The following C3orf49 variants were observed in gnomAD, a reference collection of about 807,000 sequenced individuals.
The protein encoded by C3orf49 is putative uncharacterized protein C3orf49.
A neutral mutation model predicts 13.3 loss-of-function variants in C3orf49; 27 were observed. The observed-to-expected ratio is 2.02, with a 90% CI of 1.49 to 2.79. The LOEUF is 2.79. Among genes scored for constraint, C3orf49 ranks in the 30% most tolerant of loss-of-function variants. The pLI is 0.00. For synonymous variants in C3orf49, 87 were observed against 47.6 expected (o/e 1.83, Z -3.40); for missense variants, 242 against 134.2 (o/e 1.80, Z -3.97).
chr3:63,788,694 G>A, the C3orf49 span, among the ~76,000 whole-genome samples: 9 of 150,548 alleles, frequency 6.0e-5, no homozygotes, highest in Admixed American at 1.3e-4. Context: ...ATAACAGCCC[G>A]GAGGAAGATC....
intron 3 of C3orf49, 128 bp from the exon 4 acceptor site, chr3:63,830,982 A>G: frequency 3.4e-6 from 2 of 588,444 alleles, no homozygotes; most frequent in Non-Finnish European, 6.0e-6. Flanking sequence ...TCTGCAATCC[A>G]ATATTGTTAT....
At chr3:63,816,247 A>G (rs1180014245), upstream of C3orf49, among the ~76,000 whole-genome samples, 1 of 151,914 alleles carries the variant, frequency 6.6e-6, no homozygotes, top group Non-Finnish European at 1.5e-5. Context: ...TTCCTGGGCA[A>G]GGATTTTAGT....
chr3:63,838,294 A>G, intron 5 of C3orf49: 2 of 1,093,124 alleles, frequency 1.8e-6, no homozygotes, highest in Non-Finnish European at 2.6e-6. Flanking sequence ...TTTACCACCA[A>G]AGAAAATTGT....
chr3:63,823,410 T>C lies in C3orf49; in HGVS notation c.286T>C (p.Tyr96His). The C allele has an allele frequency of 1.4e-6, 1 of 703,280 alleles. No homozygotes were observed. 43.6% of individuals were successfully genotyped at this position (703,280 alleles called of 1,614,324 possible). ...VKTAFGRMLS[Y>H]KYRSKPACAS... ...GACTGCTTTTGGGAGGATGCTGTCC[T>C]ACAAGTATAGAAGCAAGCCAGCATG... is the stretch of plus-strand genomic sequence containing the variant. Residue 96 changes from tyrosine (Y) to histidine (H), a missense_variant, in exon 2 of 7, where the codon TAC (tyrosine) becomes CAC (histidine). Coordinates refer to ENST00000295896, the MANE Select transcript of C3orf49 (RefSeq NM_001355236.2).
chr3:63,783,814 C>T, the C3orf49 span, among the ~76,000 whole-genome samples: 2 of 151,884 alleles, frequency 1.3e-5, no homozygotes, highest in African/African-American at 4.8e-5. Flanking sequence ...ATGAGATCTG[C>T]AGCACTAAAG....
rs76664296 is a variant in C3orf49, at chr3:63,831,823, G to C, written c.828G>C (p.Met276Ile). 2.9e-6 allele frequency: 2 copies of C among 697,980 alleles called. No individual in the cohort carries two copies. The highest frequency in any genetic ancestry group is 5.2e-6 in the Non-Finnish European group (2 of 383,886). The allele number at this position is 697,980 out of a possible 1,614,324, so 43.2% of individuals were successfully genotyped here. ...TCCAGAGGATATCCAAGAGAACCAT[G>C]AGGAAGTATAAATTAAAAAATGTGT... is the stretch of plus-strand genomic sequence containing the variant. ...KQFQRISKRT[M>I]RKYKLKNMTT... is the part of the protein sequence containing the mutation. Residue 276 changes from methionine (M) to isoleucine (I), a missense_variant, in exon 5 of 7, where the codon ATG (methionine) becomes ATC (isoleucine). Coordinates refer to ENST00000295896, the MANE Select transcript of C3orf49 (RefSeq NM_001355236.2).
intron 1 of C3orf49, among the ~76,000 whole-genome samples, chr3:63,820,831 T>G (rs1258573487): frequency 1.3e-5 from 2 of 152,118 alleles, no homozygotes; most frequent in African/African-American, 4.8e-5. Flanking sequence ...AGTCTAAGGA[T>G]GAAATTGAAT....
chr3:63,803,378 G>A, the C3orf49 span, among the ~76,000 whole-genome samples: 1 of 152,124 alleles, frequency 6.6e-6, no homozygotes, highest in Non-Finnish European at 1.5e-5. Flanking sequence ...ATGTACATGT[G>A]GGGTTGAGAA....
intron 6 of C3orf49, chr3:63,846,320 G>T: frequency 2.9e-6 from 1 of 347,006 alleles, no homozygotes; most frequent in Non-Finnish European, 5.8e-6. Context: ...TGGACTTCAG[G>T]GCCACAGTTC....
intron 6 of C3orf49, among the ~76,000 whole-genome samples, chr3:63,846,999 C>G (rs923584550): frequency 1.3e-5 from 2 of 152,126 alleles, no homozygotes. Flanking sequence ...TAAGCAATCC[C>G]TAAAACAGCA....
chr3:63,812,669 T>C, the C3orf49 span, among the ~76,000 whole-genome samples: 1 of 152,220 alleles, frequency 6.6e-6, no homozygotes, highest in East Asian at 1.9e-4. Context: ...AATGGTTGAA[T>C]TCATCAATTG....
the C3orf49 span, among the ~76,000 whole-genome samples, chr3:63,788,819 A>T: frequency 6.6e-6 from 1 of 152,136 alleles, no homozygotes; most frequent in South Asian, 2.1e-4. Context: ...CCCAAATTTT[A>T]ACCTAAGCTA....
At chr3:63,803,053 A>C in the C3orf49 span, among the ~76,000 whole-genome samples, 12 of 152,208 alleles carry the variant, frequency 7.9e-5, no homozygotes, top group Non-Finnish European at 1.2e-4. Flanking sequence ...TTTAAGTCTG[A>C]CAATACCAAG....
intron 5 of C3orf49, chr3:63,838,630 T>G: frequency 1.1e-6 from 1 of 876,032 alleles, no homozygotes; most frequent in Non-Finnish European, 1.7e-6. Context: ...TATTTAAAAT[T>G]TAGAATATCT....
the C3orf49 span, among the ~76,000 whole-genome samples, chr3:63,810,594 C>G: frequency 6.6e-6 from 1 of 152,188 alleles, no homozygotes; most frequent in Admixed American, 6.5e-5. Context: ...TTCGGATTCT[C>G]TATTCAATTC....
chr3:63,828,646 T>C (rs905480084), intron 3 of C3orf49, among the ~76,000 whole-genome samples: 18 of 152,194 alleles, frequency 1.2e-4, no homozygotes, highest in African/African-American at 4.3e-4. Context: ...TTTTCAAAAA[T>C]AGAACCATGA....
At chr3:63,791,785 A>G in the C3orf49 span, among the ~76,000 whole-genome samples, 3 of 152,218 alleles carry the variant, frequency 2.0e-5, no homozygotes, top group East Asian at 5.8e-4. Context: ...AATCCTCCTA[A>G]AAATAAATAT....
At chr3:63,826,842 G>C (rs1327493993) in intron 2 of C3orf49, 1 of 152,008 alleles carries the variant, frequency 6.6e-6, no homozygotes, top group African/African-American at 2.4e-5. Flanking sequence ...CCAGCTGCTC[G>C]GGAGGCTGAG....
At chr3:63,847,086 G>T (rs986179808) in intron 6 of C3orf49, among the ~76,000 whole-genome samples, 5 of 152,046 alleles carry the variant, frequency 3.3e-5, no homozygotes, top group African/African-American at 4.8e-5. Context: ...TTGCGTAGGC[G>T]AATAGGAAGT....
Sources: allele counts gnomAD v4.1 joint callset (sites outside exome capture counted in the v4.1 genomes callset), GRCh38; gene constraint gnomAD v4.1.1; transcripts MANE v1.5; gene names NCBI Gene and HGNC (gene_info 2026-07-23, HGNC 2026-07-21).